The following STXBP4 variants were observed in gnomAD, a reference collection of about 807,000 sequenced individuals.
STXBP4 encodes the protein syntaxin-binding protein 4.
A neutral mutation model predicts 76.1 loss-of-function variants in STXBP4; 55 were observed. The ratio of observed to expected loss-of-function variants is 0.72; its 90% CI spans 0.58 to 0.91. The LOEUF is 0.91. Ranked by LOEUF, STXBP4 falls within the 40% of genes least tolerant of loss-of-function variation. The pLI, the probability that STXBP4 is intolerant of heterozygous loss-of-function variation, is 0.00. For synonymous variants in STXBP4, 201 were observed against 220.2 expected (o/e 0.91, Z 0.77); for missense variants, 618 against 636.9 (o/e 0.97, Z 0.32).
At position 55,159,929 on chromosome 17, in the gene STXBP4, T is replaced by C. The variant is rs201992613; in HGVS notation, c.*18T>C. 4.6e-5 allele frequency: 67 copies of C among 1,463,084 alleles called. No homozygotes were observed. Among genetic ancestry groups the C allele is most frequent in the Non-Finnish European group, 6.2e-5 (65 of 1,042,966 alleles). The allele number at this position is 1,463,084 out of a possible 1,614,324, so 90.6% of individuals were successfully genotyped here. A position where few individuals can be genotyped will look rare whatever the true frequency, so the allele number is the denominator to read the frequency against. ...AAAGTTGATGGTTTTCCTTAGGAAGTGGAGCTACATGGATGATGTGAGCAG... is the reference window on the plus strand; with the variant it reads ...AAAGTTGATGGTTTTCCTTAGGAAGCGGAGCTACATGGATGATGTGAGCAG... On this transcript the variant is annotated 3_prime_UTR_variant, in exon 18 of 18. Transcript: ENST00000376352.
Position 55,019,759 on chromosome 17 carries a change from T to G in STXBP4, c.667-11409T>G, listed in dbSNP as rs116966528. Among the ~76,000 whole-genome samples, 86 of 152,294 alleles carry G rather than the reference T, an allele frequency of 5.6e-4. 1 individual carries two copies. The East Asian group carries it at 0.015, about 27-fold the overall frequency. ...TTATTTTTCTGAAAATATTTTGCCC[T>G]CATTTTTGAAAGAGAATTTTATTGG... On this transcript the variant is annotated intron_variant, in intron 8 of 17. Transcript: ENST00000376352.
intron 4 of STXBP4, among the ~76,000 whole-genome samples, chr17:54,993,745 T>G (rs2077755892): frequency 6.6e-6 from 1 of 152,234 alleles, no homozygotes; most frequent in South Asian, 2.1e-4. Flanking sequence ...GTTGCTGAAC[T>G]GAGTAACTGT....
intron 7 of STXBP4, among the ~76,000 whole-genome samples, chr17:55,002,844 A>G (rs1344555322): frequency 2.0e-5 from 3 of 152,188 alleles, no homozygotes; most frequent in Admixed American, 2.0e-4. Context: ...AAGCACTTAT[A>G]TTGTAATTAG....
chr17:55,127,772 T>A (rs1321118192), intron 16 of STXBP4, among the ~76,000 whole-genome samples: 8 of 152,220 alleles, frequency 5.3e-5, no homozygotes, highest in African/African-American at 1.9e-4. Flanking sequence ...GGATTTTTTA[T>A]GATTTTTTTC....
At chr17:55,184,783 G>A in the STXBP4 span, among the ~76,000 whole-genome samples, 2 of 152,276 alleles carry the variant, frequency 1.3e-5, no homozygotes, top group East Asian at 1.9e-4. Context: ...TGGAACAATA[G>A]GCAAAAATTG....
chr17:55,017,907 C>G (rs1247796787), intron 8 of STXBP4, among the ~76,000 whole-genome samples: 1 of 152,128 alleles, frequency 6.6e-6, no homozygotes, highest in Non-Finnish European at 1.5e-5. Context: ...GTATTTTCCT[C>G]CAATTCTAAG....
At chr17:55,000,435 G>A (rs1052222401) in intron 6 of STXBP4, among the ~76,000 whole-genome samples, 1 of 152,108 alleles carries the variant, frequency 6.6e-6, no homozygotes, top group African/African-American at 2.4e-5. Flanking sequence ...CTGTAAAATA[G>A]GAAACTTAAG....
chr17:55,078,836 GGT>G (rs562125555), intron 15 of STXBP4, 101 bp downstream of exon 15: 9,012 of 708,844 alleles, frequency 0.013, 106 homozygotes, highest in South Asian at 0.034. Context: ...ATAGTCCTAA[GGT>G]GCTACATAAC....
intron 16 of STXBP4, among the ~76,000 whole-genome samples, chr17:55,140,849 A>G (rs1598345710): frequency 6.6e-6 from 1 of 152,140 alleles, no homozygotes; most frequent in South Asian, 2.1e-4. Context: ...GTCTTGTCCA[A>G]AAGCTACTTT....
At chr17:54,998,967 G>A (rs1016883285) in intron 4 of STXBP4, among the ~76,000 whole-genome samples, 2 of 152,084 alleles carry the variant, frequency 1.3e-5, no homozygotes, top group African/African-American at 4.8e-5. Context: ...AAATAAATGA[G>A]TTTTGTATTG....
chr17:55,103,308 TA>T (rs2079588439), intron 16 of STXBP4, among the ~76,000 whole-genome samples: 1 of 152,236 alleles, frequency 6.6e-6, no homozygotes, highest in Non-Finnish European at 1.5e-5. Flanking sequence ...AATTTTTGTA[TA>T]AGGTGTAAGG....
At chr17:55,132,357 AT>A (rs2079982375) in intron 16 of STXBP4, among the ~76,000 whole-genome samples, 2 of 151,820 alleles carry the variant, frequency 1.3e-5, no homozygotes, top group Admixed American at 1.3e-4. Context: ...CGCCTGGCTA[AT>A]TTTTGTATTT....
At chr17:55,081,543 C>T (rs2079255018) in intron 16 of STXBP4, among the ~76,000 whole-genome samples, 1 of 152,044 alleles carries the variant, frequency 6.6e-6, no homozygotes, top group Admixed American at 6.6e-5. Flanking sequence ...ATGTACAGTC[C>T]AACTGAGCAA....
At chr17:54,971,725 C>T (rs1598135155) in intron 1 of STXBP4, among the ~76,000 whole-genome samples, 1 of 152,200 alleles carries the variant, frequency 6.6e-6, no homozygotes, top group East Asian at 1.9e-4. Flanking sequence ...GTTGTCATGC[C>T]TCTTCAGTCT....
intron 17 of STXBP4, among the ~76,000 whole-genome samples, chr17:55,159,496 A>G (rs1000672827): frequency 1.3e-5 from 2 of 152,204 alleles, no homozygotes; most frequent in African/African-American, 4.8e-5. Flanking sequence ...GATTCCAGAG[A>G]TGTTACAGCA....
intron 12 of STXBP4, among the ~76,000 whole-genome samples, chr17:55,069,430 AC>A (rs1367125841): frequency 2.0e-5 from 3 of 152,138 alleles, no homozygotes; most frequent in African/African-American, 7.2e-5. Context: ...CTCAGTTGTT[AC>A]TGACATAGGA....
chr17:55,081,269 G>A, intron 16 of STXBP4, 86 bp downstream of exon 16: 2 of 1,130,064 alleles, frequency 1.8e-6, no homozygotes, highest in South Asian at 2.7e-5. Flanking sequence ...TCGTTATAGT[G>A]GCTTGCCTAC....
intron 3 of STXBP4, among the ~76,000 whole-genome samples, chr17:54,989,299 G>A (rs1248493490): frequency 5.3e-5 from 8 of 152,182 alleles, no homozygotes; most frequent in Admixed American, 3.3e-4. Context: ...AGTATAGACG[G>A]GGTTTCACTG....
chr17:55,203,394 C>G, the STXBP4 span, among the ~76,000 whole-genome samples: 1 of 152,042 alleles, frequency 6.6e-6, no homozygotes, highest in Non-Finnish European at 1.5e-5. Context: ...TCATAGTTAT[C>G]ATTGCATTGA....
Sources: gnomAD v4.1 joint callset for allele counts (sites outside exome capture counted in the v4.1 genomes callset) on GRCh38, gnomAD v4.1.1 for gene constraint, MANE v1.5 for transcripts, NCBI Gene and HGNC (gene_info 2026-07-23, HGNC 2026-07-21) for gene names.